RGS8: variants seen among roughly 807,000 people sequenced by gnomAD.
RGS8 encodes the protein regulator of G-protein signaling 8.
Under a neutral mutation model 21.7 loss-of-function variants are expected in RGS8, and 8 were observed. The observed-to-expected ratio is 0.37, with a 90% CI of 0.22 to 0.66. The LOEUF (loss-of-function observed/expected upper bound fraction) is 0.66. Ranked by LOEUF, RGS8 falls within the 30% of genes least tolerant of loss-of-function variation. RGS8 has a pLI of 0.59. For synonymous variants in RGS8, 80 were observed against 83.6 expected, an observed-to-expected ratio of 0.96 and a Z score of 0.24; for missense variants, 157 against 217.9, an observed-to-expected ratio of 0.72 and a Z score of 1.76.
At chr1:182,726,365 T>C in the RGS8 span, among the ~76,000 whole-genome samples, 1 of 152,100 alleles carries the variant, frequency 6.6e-6, no homozygotes, top group Non-Finnish European at 1.5e-5. Flanking sequence ...TCAATCTCCA[T>C]GCTCTGATAA....
At chr1:182,742,777 G>GGGACAGGGAC in the RGS8 span, among the ~76,000 whole-genome samples, 20 of 85,046 alleles carry the variant, frequency 2.4e-4, no homozygotes, top group South Asian at 1.0e-3. Flanking sequence ...GGGACAGGGA[G>GGGACAGGGAC]AGGGAGAGGG....
upstream of RGS8, among the ~76,000 whole-genome samples, chr1:182,675,755 C>T (rs1254321374): frequency 1.3e-5 from 2 of 152,160 alleles, no homozygotes; most frequent in Non-Finnish European, 2.9e-5. Context: ...AAGGAACCCC[C>T]TCCATCCCAA....
the RGS8 span, among the ~76,000 whole-genome samples, chr1:182,720,265 G>T: frequency 1.3e-5 from 2 of 152,136 alleles, no homozygotes; most frequent in Non-Finnish European, 2.9e-5. Flanking sequence ...TTTGAGAAAT[G>T]ATTGGATTTA....
At chr1:182,645,304 T>TGG (rs1200165006), downstream of RGS8, 7 of 152,350 alleles carry the variant, frequency 4.6e-5, no homozygotes, top group African/African-American at 1.7e-4. Context: ...ATTCCAATAG[T>TGG]AACTCCACTC....
chr1:182,742,856 C>T, the RGS8 span, among the ~76,000 whole-genome samples: 2 of 152,122 alleles, frequency 1.3e-5, no homozygotes, highest in African/African-American at 4.8e-5. Flanking sequence ...TAAGAAGGAA[C>T]CTGAATGGTA....
intron 1 of RGS8, among the ~76,000 whole-genome samples, chr1:182,682,705 T>A (rs1334702750): frequency 1.8e-4 from 27 of 152,174 alleles, no homozygotes. Flanking sequence ...CTAAGAAGAC[T>A]TGAACCCAGG....
the RGS8 span, among the ~76,000 whole-genome samples, chr1:182,742,064 G>T: frequency 1.3e-5 from 2 of 149,204 alleles, no homozygotes; most frequent in Non-Finnish European, 3.0e-5. Flanking sequence ...ATCCCGGACG[G>T]GGCGGCAGGG....
chr1:182,735,747 A>G, the RGS8 span, among the ~76,000 whole-genome samples: 2 of 152,310 alleles, frequency 1.3e-5, no homozygotes, highest in African/African-American at 2.4e-5. Flanking sequence ...TTTCTTTTCT[A>G]TATTCACAAG....
chr1:182,695,961 C>G, the RGS8 span, among the ~76,000 whole-genome samples: 3 of 152,140 alleles, frequency 2.0e-5, no homozygotes, highest in Non-Finnish European at 4.4e-5. Flanking sequence ...ATATAGTGCT[C>G]AATATGAATT....
chr1:182,659,871 C>G (rs944325631), intron 5 of RGS8, among the ~76,000 whole-genome samples: 1 of 151,988 alleles, frequency 6.6e-6, no homozygotes, highest in African/African-American at 2.4e-5. Context: ...AAAACTACAT[C>G]CTCAATGGAA....
chr1:182,739,223 T>C, the RGS8 span, among the ~76,000 whole-genome samples: 2 of 152,210 alleles, frequency 1.3e-5, no homozygotes, highest in African/African-American at 4.8e-5. Flanking sequence ...TTCTGCTCTT[T>C]CTCTAGTGTC....
At chr1:182,694,807 CAAAA>C in the RGS8 span, among the ~76,000 whole-genome samples, 2 of 92,204 alleles carry the variant, frequency 2.2e-5, no homozygotes, top group African/African-American at 8.1e-5. Flanking sequence ...GACTCCTACT[CAAAA>C]AAAAAAAAAA....
the RGS8 span, among the ~76,000 whole-genome samples, chr1:182,713,784 C>T: frequency 6.6e-6 from 1 of 152,224 alleles, no homozygotes; most frequent in Non-Finnish European, 1.5e-5. Context: ...CGCATACACG[C>T]CAGCCCTGAC....
chr1:182,672,364 G>C (rs550891427), upstream of RGS8: 6 of 224,942 alleles, frequency 2.7e-5, no homozygotes, highest in Admixed American at 1.0e-4. Context: ...TAAATGCAGA[G>C]AGCAAGAAAG....
At chr1:182,689,253 GCA>G (rs1305590032), upstream of RGS8, among the ~76,000 whole-genome samples, 2 of 133,158 alleles carry the variant, frequency 1.5e-5, no homozygotes, top group South Asian at 2.5e-4. Context: ...GCACGCGCAC[GCA>G]CACACACAGA....
chr1:182,718,550 A>G, the RGS8 span, among the ~76,000 whole-genome samples: 1 of 152,196 alleles, frequency 6.6e-6, no homozygotes, highest in Non-Finnish European at 1.5e-5. Flanking sequence ...GGGAGCCATG[A>G]TACTGCAGTG....
chr1:182,715,553 C>G, the RGS8 span, among the ~76,000 whole-genome samples: 2 of 152,172 alleles, frequency 1.3e-5, no homozygotes, highest in Admixed American at 1.3e-4. Flanking sequence ...AGAAGTGACC[C>G]AGCATCACCC....
At chr1:182,747,435 A>G in the RGS8 span, among the ~76,000 whole-genome samples, 1 of 152,262 alleles carries the variant, frequency 6.6e-6, no homozygotes, top group East Asian at 1.9e-4. Context: ...GTGGTTAAGG[A>G]GTGCTGTAAC....
chr1:182,708,501 G>C, the RGS8 span, among the ~76,000 whole-genome samples: 1 of 152,118 alleles, frequency 6.6e-6, no homozygotes, highest in Admixed American at 6.6e-5. Context: ...CTCAGACAAG[G>C]GGTTTGAAGC....
Sources: gnomAD v4.1 joint callset for allele counts (sites outside exome capture counted in the v4.1 genomes callset) on GRCh38, gnomAD v4.1.1 for gene constraint, MANE v1.5 for transcripts, NCBI Gene and HGNC (gene_info 2026-07-23, HGNC 2026-07-21) for gene names.